CEACAM4: variants seen among roughly 807,000 people sequenced by gnomAD.
CEACAM4 encodes CEA cell adhesion molecule 4.
In CEACAM4, 30 loss-of-function variants were observed where a neutral mutation model predicts 28.7. The observed-to-expected ratio is 1.05, with a 90% CI of 0.78 to 1.42. The LOEUF is 1.42. Ranked by LOEUF, CEACAM4 falls within the 40% of genes most tolerant of loss-of-function variation. The pLI is 0.00. For missense variants in CEACAM4, 330 were observed against 308.2 expected, an observed-to-expected ratio of 1.07 and a Z score of -0.53; for synonymous variants, 143 against 126.5, an observed-to-expected ratio of 1.13 and a Z score of -0.87.
chr19:41,626,862 T>C, intron 1 of CEACAM4, 38 bp downstream of exon 1: 1 of 1,582,378 alleles, frequency 6.3e-7, no homozygotes, highest in Non-Finnish European at 8.7e-7. Context: ...GTCTCTGTGC[T>C]CCCTCTTCCC....
downstream of CEACAM4, among the ~76,000 whole-genome samples, chr19:41,617,869 G>C (rs533974779): frequency 6.6e-6 from 1 of 152,274 alleles, no homozygotes; most frequent in South Asian, 2.1e-4. Context: ...AACTAAAGAG[G>C]CCTCACCTTG....
downstream of CEACAM4, among the ~76,000 whole-genome samples, chr19:41,616,058 C>T (rs1290871283): frequency 6.6e-6 from 1 of 152,090 alleles, no homozygotes; most frequent in Non-Finnish European, 1.5e-5. Context: ...TAGATGGAGC[C>T]TCACTCTATC....
At position 41,625,754 on chromosome 19, in the gene CEACAM4, G is replaced by T. The variant is rs373281524; in HGVS notation, c.271C>A (p.Pro91Thr). 15 of 1,613,854 alleles carry T rather than the reference G, an allele frequency of 9.3e-6. No individual in the cohort carries two copies. In the African/African-American group the frequency reaches 1.9e-4, roughly 20 times the overall value. The change falls in exon 2 of 7, where the codon CCA (proline) becomes ACA (threonine). Residue 91 changes from proline to threonine, a missense_variant. Transcript: ENST00000221954. ...GYITDIQANI[P>T]GAAYSGRETV... is the part of the protein sequence containing the mutation. The stretch of plus-strand genomic sequence containing the variant: ...TCTCGACCACTGTATGCGGCCCCTG[G>T]GATATTTGCTTGAATGTCTGTTATA...
Position 41,627,020 on chromosome 19 carries a change from T to C in CEACAM4, c.-57A>G. 6.8e-7 allele frequency: 1 copy of C among 1,475,788 alleles called. No individual in the cohort carries two copies. Among genetic ancestry groups the C allele is most frequent in the Admixed American group, 2.0e-5 (1 of 50,224 alleles). The allele number at this position is 1,475,788 out of a possible 1,614,324, so 91.4% of individuals were successfully genotyped here. On this transcript the variant is annotated 5_prime_UTR_variant, in exon 1 of 7. Coordinates refer to ENST00000221954, the MANE Select transcript of CEACAM4 (RefSeq NM_001817.4). ...AGGAGCTGGGCTCCAGGAACGCTCT[T>C]GTCAGAGCTGCTGTGACTGTCGGCT...
Position 41,620,588 on chromosome 19 carries a change from TG to T in CEACAM4, c.581del (p.Pro194GlnfsTer86), listed in dbSNP as rs1555800891. The T allele has an allele frequency of 6.2e-7, 1 of 1,612,752 alleles. No individual in the cohort carries two copies. The highest frequency in any genetic ancestry group is 1.1e-5 in the South Asian group (1 of 91,020). ...AGGGACACTCACCAGGGGTGGAGGC[TG>T]GGGGCGGCTGCTCCCTGAGGTCACG... ...IQRDLREQPP[P>X]ASTPGHGPSH... is the part of the protein sequence containing the mutation. On this transcript the variant is annotated frameshift_variant, in exon 4 of 7. Transcript: ENST00000221954. LOFTEE classifies it high-confidence loss of function.
At chr19:41,615,432 T>A (rs1183080762), downstream of CEACAM4, among the ~76,000 whole-genome samples, 1 of 151,950 alleles carries the variant, frequency 6.6e-6, no homozygotes, top group Non-Finnish European at 1.5e-5. Context: ...TCTCACCTGG[T>A]GATTCTTGTC....
chr19:41,620,728 T>G, intron 3 of CEACAM4, 101 bp from the exon 4 acceptor site: 1 of 961,060 alleles, frequency 1.0e-6, no homozygotes, highest in Non-Finnish European at 1.6e-6. Context: ...AGGACTGGAG[T>G]GAAGGCCTCC....
At chr19:41,617,098 C>G (rs991496187), downstream of CEACAM4, among the ~76,000 whole-genome samples, 1 of 152,180 alleles carries the variant, frequency 6.6e-6, no homozygotes, top group Admixed American at 6.5e-5. Context: ...CCTGCAGTTC[C>G]CTCCTATCTG....
chr19:41,620,312 G>A (rs2071192066), intron 4 of CEACAM4, 70 bp from the exon 5 acceptor site: 2 of 1,306,410 alleles, frequency 1.5e-6, no homozygotes, highest in East Asian at 5.6e-5. Context: ...GGAGAGTGTA[G>A]GGGTCCTCAG....
In CEACAM4 at chr19:41,619,262, TCCCCGTC is replaced by T; in HGVS notation, c.*61_*67del. The stretch of plus-strand genomic sequence containing the variant: ...TTCTCTGGCTCAGGCTCCATGTCCT[TCCCCGTC>T]CCCAGGGCTGGGAGCTTCGGGGACG... On this transcript the variant is annotated 3_prime_UTR_variant, in exon 7 of 7. Transcript: ENST00000221954. The T allele has an allele frequency of 7.5e-7, 1 of 1,327,554 alleles. No individual in the cohort carries two copies. Among genetic ancestry groups the T allele is most frequent in the Non-Finnish European group, 1.1e-6 (1 of 921,284 alleles). The allele number at this position is 1,327,554 out of a possible 1,614,324, so 82.2% of individuals were successfully genotyped here.
chr19:41,616,464 A>T (rs2070983079), downstream of CEACAM4, among the ~76,000 whole-genome samples: 1 of 151,608 alleles, frequency 6.6e-6, no homozygotes, highest in Admixed American at 6.6e-5. Context: ...AAGCATTCTC[A>T]TATATACATA....
intron 3 of CEACAM4, among the ~76,000 whole-genome samples, chr19:41,620,964 G>A (rs1555801192): frequency 6.6e-6 from 1 of 152,046 alleles, no homozygotes; most frequent in Admixed American, 6.5e-5. Context: ...GGGAAAGCAG[G>A]GCCGGCTGTG....
At chr19:41,623,171 C>T (rs782599073) in intron 2 of CEACAM4, among the ~76,000 whole-genome samples, 1 of 152,162 alleles carries the variant, frequency 6.6e-6, no homozygotes, top group African/African-American at 2.4e-5. Context: ...CACCCACCAC[C>T]ATGCCTGCCT....
intron 1 of CEACAM4, among the ~76,000 whole-genome samples, 178 bp from the exon 2 acceptor site, chr19:41,626,138 A>T (rs1305820289): frequency 7.0e-6 from 1 of 142,872 alleles, no homozygotes; most frequent in East Asian, 2.1e-4. Flanking sequence ...CTGGGTCAGC[A>T]GCATGACCCC....
downstream of CEACAM4, among the ~76,000 whole-genome samples, chr19:41,614,934 GT>G (rs2070968216): frequency 6.6e-6 from 1 of 150,880 alleles, no homozygotes; most frequent in Admixed American, 6.6e-5. Context: ...AGGGATAGGG[GT>G]GGGGAGGGGA....
Position 41,625,381 on chromosome 19 carries a change from C to A in CEACAM4, c.424+220G>T, listed in dbSNP as rs184145989. Among the ~76,000 whole-genome samples, 831 of 152,070 alleles carry A rather than the reference C, an allele frequency of 5.5e-3. 10 individuals carry two copies. The highest frequency in any genetic ancestry group is 0.018 in the African/African-American group (758 of 41,482). ...GAGACTGACCTCCCCCTGCTGAGGC[C>A]CCCCCGCCCCCGCCATCAGTGTCTG... On this transcript the variant is annotated intron_variant, in intron 2 of 6. Coordinates refer to ENST00000221954, the MANE Select transcript of CEACAM4 (RefSeq NM_001817.4).
chr19:41,616,086 G>A (rs1326227889), downstream of CEACAM4, among the ~76,000 whole-genome samples: 1 of 152,148 alleles, frequency 6.6e-6, no homozygotes, highest in Non-Finnish European at 1.5e-5. Flanking sequence ...CTGGAGTGCA[G>A]TGGTGCGATC....
chr19:41,625,936 G>A lies in CEACAM4; in HGVS notation c.89C>T (p.Pro30Leu), dbSNP rs782000006. 29 of 1,612,056 alleles carry A rather than the reference G, an allele frequency of 1.8e-5. No individual in the cohort carries two copies. Among genetic ancestry groups the A allele is most frequent in the South Asian group, 7.7e-5 (7 of 90,944 alleles). The change falls in exon 2 of 7, where the codon CCG becomes CTG. Residue 30 changes from proline to leucine, a missense_variant. By Grantham distance (98) the Pro-to-Leu change is moderately conservative. Transcript: ENST00000221954. The stretch of plus-strand genomic sequence containing the variant: ...AATAGTGAACTGGACAGTGGTGGGC[G>A]GGTGCCAGAAGGTTAAAAGTGAGGC... The part of the protein sequence containing the change: ...ITASLLTFWH[P>L]PTTVQFTIEA...
downstream of CEACAM4, among the ~76,000 whole-genome samples, chr19:41,616,493 AT>A (rs2070984513): frequency 2.4e-4 from 2 of 8,436 alleles, no homozygotes; most frequent in African/African-American, 4.5e-4. Flanking sequence ...TAGATGATAG[AT>A]AGATAGATAG....
Sources: allele counts gnomAD v4.1 joint callset (sites outside exome capture counted in the v4.1 genomes callset), GRCh38; gene constraint gnomAD v4.1.1; transcripts MANE v1.5; gene names NCBI Gene and HGNC (gene_info 2026-07-23, HGNC 2026-07-21).